Variants in NXN observed in about 807,000 individuals in gnomAD.
The protein encoded by NXN is nucleoredoxin 1.
NXN carries 16 observed loss-of-function variants against 48.6 expected under a neutral mutation model. That is an observed-to-expected ratio of 0.33 (90% CI 0.22 to 0.50). The LOEUF is 0.50. Ranked by LOEUF, NXN falls within the 20% of genes least tolerant of loss-of-function variation. The probability of loss-of-function intolerance (pLI) is 0.98; values close to 1 mark genes in which losing one functional copy is unlikely to be tolerated. For missense variants in NXN, 492 were observed against 605.5 expected (o/e 0.81, Z 1.97); for synonymous variants, 281 against 269.6 (o/e 1.04, Z -0.41).
chr17:856,809 C>T (rs1482382031), intron 1 of NXN, among the ~76,000 whole-genome samples: 1 of 152,142 alleles, frequency 6.6e-6, no homozygotes, highest in African/African-American at 2.4e-5. Context: ...TACCAGTATC[C>T]TGTTCACACT....
chr17:823,356 G>A (rs546168260), intron 3 of NXN, among the ~76,000 whole-genome samples: 4 of 151,572 alleles, frequency 2.6e-5, no homozygotes, highest in East Asian at 1.9e-4. Flanking sequence ...CTGAGATCGC[G>A]CCACTGCACT....
rs11345310 is a variant in NXN at position 871,399 on chromosome 17, CTTTTTTTTTTT to C, written c.361-45332_361-45322del. Among the ~76,000 whole-genome samples, 134 of 101,716 alleles carry C rather than the reference CTTTTTTTTTTT, an allele frequency of 1.3e-3. 1 individual carries two copies. The highest frequency in any genetic ancestry group is 4.5e-3 in the African/African-American group (125 of 27,520). The allele number at this position is 101,716 out of a possible 152,430, so 66.7% of individuals were successfully genotyped here. A position where few individuals can be genotyped will look rare whatever the true frequency, so the allele number is the denominator to read the frequency against. On this transcript the variant is annotated intron_variant, in intron 1 of 7. Transcript: ENST00000336868. ...TGATAAATCGCAGCATACGCATTCA[CTTTTTTTTTTT>C]TTTTTTTTTTTTGAGATGGATTCTC...
chr17:955,712 C>G (rs761053566), intron 1 of NXN, among the ~76,000 whole-genome samples: 1 of 150,934 alleles, frequency 6.6e-6, no homozygotes, highest in African/African-American at 2.4e-5. Flanking sequence ...CTGGCTAACA[C>G]GGTGAAACCC....
chr17:802,057 T>C (rs1911241818), intron 7 of NXN, among the ~76,000 whole-genome samples: 1 of 152,138 alleles, frequency 6.6e-6, no homozygotes, highest in African/African-American at 2.4e-5. Flanking sequence ...ATAGCAGACA[T>C]AGCCTCATGC....
At chr17:840,379 G>A (rs751937176) in intron 1 of NXN, among the ~76,000 whole-genome samples, 8 of 151,540 alleles carry the variant, frequency 5.3e-5, no homozygotes, top group Admixed American at 2.6e-4. Context: ...TCGCTCTGCC[G>A]CCCAGGCTGG....
chr17:831,445 C>CTTTATGTATTTA (rs1555611691), intron 1 of NXN, among the ~76,000 whole-genome samples: 4 of 149,008 alleles, frequency 2.7e-5, no homozygotes, highest in African/African-American at 1.0e-4. Flanking sequence ...TGAGGGCCGA[C>CTTTATGTATTTA]TTTATTTATT....
chr17:885,006 C>G (rs539439038), intron 1 of NXN, among the ~76,000 whole-genome samples: 1 of 152,126 alleles, frequency 6.6e-6, no homozygotes, highest in African/African-American at 2.4e-5. Flanking sequence ...CTATGGCGAG[C>G]GCCATCCCCT....
chr17:934,672 G>A (rs994677543), intron 1 of NXN, among the ~76,000 whole-genome samples: 6 of 151,676 alleles, frequency 4.0e-5, no homozygotes, highest in Admixed American at 1.3e-4. Context: ...TCAGGAGTTC[G>A]GGACCAGCCT....
chr17:876,173 A>G (rs1437473609), intron 1 of NXN, among the ~76,000 whole-genome samples: 4 of 150,998 alleles, frequency 2.6e-5, no homozygotes, highest in South Asian at 2.1e-4. Context: ...CACAGTAAGA[A>G]TCCATCAGAA....
chr17:829,045 G>A lies in NXN; in HGVS notation c.361-2967C>T, dbSNP rs1415292834. Among the ~76,000 whole-genome samples, 3 of 151,644 alleles carry A rather than the reference G, an allele frequency of 2.0e-5. No homozygotes were observed. In the East Asian group the frequency reaches 5.8e-4, roughly 29 times the overall value. On this transcript the variant is annotated intron_variant, in intron 1 of 7. Coordinates refer to ENST00000336868, the MANE Select transcript of NXN (RefSeq NM_022463.5). ...ATTTTTCCACCAGTGGCAAATGAGA[G>A]AGCCCATTTCCCAACCTTCACCAAC...
At chr17:805,035 A>ACCCCCCCCCCC in intron 6 of NXN, 33 bp downstream of exon 6, 1 of 1,155,130 alleles carries the variant, frequency 8.7e-7, no homozygotes. Flanking sequence ...CCCCCCAGCC[A>ACCCCCCCCCCC]CCCCTCGCCC....
At chr17:927,766 A>G (rs1490523371) in intron 1 of NXN, among the ~76,000 whole-genome samples, 4 of 152,042 alleles carry the variant, frequency 2.6e-5, no homozygotes, top group Admixed American at 2.6e-4. Flanking sequence ...TCAGAGGCAG[A>G]GAACAAAAGG....
rs546601488 is a variant in NXN at position 908,560 on chromosome 17, AC to A, written c.360+70758del. Among the ~76,000 whole-genome samples, 23 of 152,084 alleles carry A rather than the reference AC, an allele frequency of 1.5e-4. 1 individual carries two copies. The East Asian group carries it at 4.5e-3, about 29-fold the overall frequency. On this transcript the variant is annotated intron_variant, in intron 1 of 7. Coordinates refer to ENST00000336868, the MANE Select transcript of NXN (RefSeq NM_022463.5). ...CAAAGGAAACAAAACAAAACAAAAA[AC>A]CCATGTTCTACTTTTTTGGACCGAA...
chr17:949,792 T>G lies in NXN; in HGVS notation c.360+29527A>C, dbSNP rs562959658. On this transcript the variant is annotated intron_variant, in intron 1 of 7. Transcript: ENST00000336868. ...CTCAGTCTGGAAAGGGGCAGCCACG[T>G]GAGGACCTCTGAGACCCTGGAGAGC... Among the ~76,000 whole-genome samples the G allele has an allele frequency of 2.2e-4, 33 of 151,418 alleles. 1 individual carries two copies. Among genetic ancestry groups the G allele is most frequent in the Middle Eastern group, 6.8e-3 (2 of 294 alleles).
At chr17:910,814 C>G (rs2068628916) in intron 1 of NXN, 1 of 152,106 alleles carries the variant, frequency 6.6e-6, no homozygotes, top group African/African-American at 2.4e-5. Flanking sequence ...GGAAGCACAC[C>G]TGGGCAGCAG....
chr17:842,610 C>T, intron 1 of NXN: 1 of 978,348 alleles, frequency 1.0e-6, no homozygotes, highest in Non-Finnish European at 1.2e-6. Context: ...AGTCACTCCC[C>T]AGGCAACTTG....
At chr17:807,151 G>T (rs907504365) in intron 5 of NXN, among the ~76,000 whole-genome samples, 2 of 152,198 alleles carry the variant, frequency 1.3e-5, no homozygotes, top group Non-Finnish European at 2.9e-5. Context: ...TGGTCTCGAG[G>T]CTGCAGCCCA....
intron 1 of NXN, among the ~76,000 whole-genome samples, chr17:940,091 G>A (rs553501469): frequency 3.3e-5 from 5 of 151,972 alleles, no homozygotes; most frequent in South Asian, 4.2e-4. Context: ...AGGCCACCAC[G>A]CCAGCTAACT....
chr17:871,606 T>C (rs34961067), intron 1 of NXN, among the ~76,000 whole-genome samples: 30,720 of 151,696 alleles, frequency 0.2, 3,439 homozygotes, highest in Middle Eastern at 0.35. Flanking sequence ...GGTTTCACCA[T>C]GTTGGCCAGG....
Sources: gnomAD v4.1 joint callset for allele counts (sites outside exome capture counted in the v4.1 genomes callset) on GRCh38, gnomAD v4.1.1 for gene constraint, MANE v1.5 for transcripts, NCBI Gene and HGNC (gene_info 2026-07-23, HGNC 2026-07-21) for gene names.